The following HFM1 variants were observed in gnomAD, a reference collection of about 807,000 sequenced individuals.
HFM1 encodes the protein probable ATP-dependent DNA helicase HFM1.
In HFM1, 169 loss-of-function variants were observed where a neutral mutation model predicts 192.1. The ratio of observed to expected loss-of-function variants is 0.88; its 90% CI spans 0.78 to 1.00. The LOEUF (loss-of-function observed/expected upper bound fraction) is 1.00. HFM1 is among the 50% of genes least tolerant of loss of function. The pLI is 0.00. For synonymous variants in HFM1, 525 were observed against 537.8 expected (o/e 0.98, Z 0.33); for missense variants, 1,661 against 1,668.0 (o/e 1.00, Z 0.07).
intron 20 of HFM1, among the ~76,000 whole-genome samples, chr1:91,328,009 A>G (rs994839884): frequency 6.6e-6 from 1 of 152,204 alleles, no homozygotes; most frequent in Non-Finnish European, 1.5e-5. Flanking sequence ...TGCCTACATC[A>G]AAAAAGAAGA....
At chr1:91,325,244 C>T (rs983637528) in intron 20 of HFM1, among the ~76,000 whole-genome samples, 4 of 152,196 alleles carry the variant, frequency 2.6e-5, no homozygotes, top group African/African-American at 9.6e-5. Context: ...AGGTCGTGGC[C>T]ACAGGCAGAG....
rs1661489729 is a variant in HFM1, at chr1:91,380,978, T to G, written c.807A>C (p.Ala269=). The change falls in exon 7 of 39, where the codon GCA becomes GCC. Residue 269 remains alanine (A), a synonymous_variant. Coordinates refer to ENST00000370425, the MANE Select transcript of HFM1 (RefSeq NM_001017975.6). The stretch of plus-strand genomic sequence containing the variant: ...ATTCTTTGAAAATACTTCTAAATTT[T>G]GCCGCTTACAATAACATTAAGGAGT... The part of the protein sequence containing the change: ...GSLKAVTEIP[A]KFRSIFKEFP... The G allele has an allele frequency of 6.9e-7, 1 of 1,447,412 alleles. No individual in the cohort carries two copies. Among genetic ancestry groups the G allele is most frequent in the Non-Finnish European group, 9.7e-7 (1 of 1,031,214 alleles). The allele number at this position is 1,447,412 out of a possible 1,614,324, so 89.7% of individuals were successfully genotyped here. A position where few individuals can be genotyped will look rare whatever the true frequency, so the allele number is the denominator to read the frequency against.
At chr1:91,364,632 A>ATATATATATATATTT (rs753472335) in intron 13 of HFM1, among the ~76,000 whole-genome samples, 4 of 66,816 alleles carry the variant, frequency 6.0e-5, no homozygotes, top group Non-Finnish European at 1.0e-4. Context: ...ATATATATAT[A>ATATATATATATATTT]TTTTTTTTTT....
At chr1:91,303,062 C>G (rs910673359) in intron 30 of HFM1, among the ~76,000 whole-genome samples, 2 of 152,112 alleles carry the variant, frequency 1.3e-5, no homozygotes, top group Admixed American at 1.3e-4. Context: ...CTGTACAATT[C>G]AGTGGGTTTT....
chr1:91,340,599 A>G (rs528030052), intron 20 of HFM1, among the ~76,000 whole-genome samples: 1 of 152,338 alleles, frequency 6.6e-6, no homozygotes, highest in East Asian at 1.9e-4. Context: ...TACACATACC[A>G]ATATCAACCT....
At chr1:91,296,838 GC>G (rs1479738310) in intron 30 of HFM1, among the ~76,000 whole-genome samples, 1 of 152,140 alleles carries the variant, frequency 6.6e-6, no homozygotes, top group African/African-American at 2.4e-5. Flanking sequence ...AATAGGAACA[GC>G]CCCAGTCTAC....
intron 30 of HFM1, among the ~76,000 whole-genome samples, chr1:91,285,109 C>A (rs1049222307): frequency 3.9e-5 from 6 of 152,156 alleles, no homozygotes; most frequent in African/African-American, 1.2e-4. Flanking sequence ...ACGTGCCTTT[C>A]ACTTTCTGCC....
intron 20 of HFM1, among the ~76,000 whole-genome samples, 181 bp downstream of exon 20, chr1:91,343,249 A>AAC (rs902011463): frequency 8.6e-5 from 13 of 151,030 alleles, no homozygotes; most frequent in Admixed American, 2.6e-4. Flanking sequence ...AAAAAAAAAA[A>AAC]AAAACTATTA....
At chr1:91,268,795 A>C (rs890557058) in intron 34 of HFM1, among the ~76,000 whole-genome samples, 4 of 152,048 alleles carry the variant, frequency 2.6e-5, no homozygotes, top group African/African-American at 7.2e-5. Context: ...ATCTGTAGTC[A>C]ACCTATGGCT....
intron 36 of HFM1, among the ~76,000 whole-genome samples, chr1:91,264,343 G>A (rs1665466511): frequency 7.8e-6 from 1 of 128,622 alleles, no homozygotes; most frequent in Admixed American, 8.0e-5. Flanking sequence ...AAATTCCAAG[G>A]GATACCACAA....
rs372968179 is a variant in HFM1, at chr1:91,380,899, A to C, written c.873+13T>G. 1 of 1,168,056 alleles carries C rather than the reference A, an allele frequency of 8.6e-7. No individual in the cohort carries two copies. The highest frequency in any genetic ancestry group is 1.3e-5 in the South Asian group (1 of 77,166). The allele number at this position is 1,168,056 out of a possible 1,614,324, so 72.4% of individuals were successfully genotyped here. ...AAAGGTAGAAAAATAAATAAGTAAA[A>C]TAAAATACTTACATCATCAAAGGCC... On this transcript the variant is annotated intron_variant, in intron 7 of 38. Transcript: ENST00000370425.
At chr1:91,298,791 A>T (rs953182451) in intron 30 of HFM1, among the ~76,000 whole-genome samples, 4 of 152,186 alleles carry the variant, frequency 2.6e-5, no homozygotes, top group Admixed American at 2.0e-4. Context: ...GAAGGAAGCA[A>T]TAAACATGGA....
rs527923750 is a variant in HFM1 at position 91,294,329 on chromosome 1, A to C, written c.3392-17267T>G. Among the ~76,000 whole-genome samples the C allele has an allele frequency of 3.3e-5, 5 of 152,224 alleles. No individual in the cohort carries two copies. The South Asian group carries it at 6.2e-4, about 19-fold the overall frequency. ...TTTGTGAAACACAATTCAAACCATG[A>C]GAGTTAGTAGTGCTTATTTTTGCAA... On this transcript the variant is annotated intron_variant, in intron 30 of 38. Transcript: ENST00000370425.
At chr1:91,404,169 G>C (rs1469533206) in intron 1 of HFM1, among the ~76,000 whole-genome samples, 1 of 152,200 alleles carries the variant, frequency 6.6e-6, no homozygotes, top group Non-Finnish European at 1.5e-5. Context: ...ACAATTGTCG[G>C]AGCCCCAGAT....
intron 34 of HFM1, among the ~76,000 whole-genome samples, chr1:91,272,667 G>A (rs911250793): frequency 6.6e-6 from 1 of 151,918 alleles, no homozygotes; most frequent in Admixed American, 6.6e-5. Context: ...CTTCCTATCC[G>A]CTTTGTAATG....
intron 30 of HFM1, among the ~76,000 whole-genome samples, chr1:91,296,223 A>G (rs12026663): frequency 0.18 from 27,040 of 152,172 alleles, 2,804 homozygotes; most frequent in East Asian, 0.4. Context: ...CCAGACTGAC[A>G]TACAATTTTT....
At chr1:91,302,533 C>G (rs1341934296) in intron 30 of HFM1, among the ~76,000 whole-genome samples, 1 of 152,174 alleles carries the variant, frequency 6.6e-6, no homozygotes, top group East Asian at 1.9e-4. Context: ...GGAACCAACC[C>G]AAATGTCCAA....
In HFM1 at chr1:91,269,675, G is replaced by GGAAGTAAGAC. The variant is rs1666090343; in HGVS notation, c.3773-1830_3773-1821dup. On this transcript the variant is annotated intron_variant, in intron 34 of 38. Coordinates refer to ENST00000370425, the MANE Select transcript of HFM1 (RefSeq NM_001017975.6). Reference sequence around the variant, plus strand: ...AGGAAGGAGGATCTAAACCTGCAATGGAAGTAAGACATACTCTTCTAAGGT... The same window carrying GGAAGTAAGAC: ...AGGAAGGAGGATCTAAACCTGCAATGGAAGTAAGACGAAGTAAGACATACTCTTCTAAGGT... Among the ~76,000 whole-genome samples, 4 of 152,258 alleles carry GGAAGTAAGAC rather than the reference G, an allele frequency of 2.6e-5. No homozygotes were observed. The South Asian group carries it at 8.3e-4, about 32-fold the overall frequency.
At chr1:91,382,725 A>G (rs1557500513) in intron 6 of HFM1, among the ~76,000 whole-genome samples, 1 of 152,236 alleles carries the variant, frequency 6.6e-6, no homozygotes, top group Non-Finnish European at 1.5e-5. Context: ...AGATAGTTCC[A>G]TATCATTCAC....
Sources: allele counts gnomAD v4.1 joint callset (sites outside exome capture counted in the v4.1 genomes callset), GRCh38; gene constraint gnomAD v4.1.1; transcripts MANE v1.5; gene names NCBI Gene and HGNC (gene_info 2026-07-23, HGNC 2026-07-21).